Variants in KIAA1328 observed in about 807,000 individuals in gnomAD.
KIAA1328 encodes protein hinderin.
In KIAA1328, 52 loss-of-function variants were observed where a neutral mutation model predicts 68.1. That is an observed-to-expected ratio of 0.76 (90% CI 0.61 to 0.96). The LOEUF is 0.96. Ranked by LOEUF, KIAA1328 falls within the 40% of genes least tolerant of loss-of-function variation. KIAA1328 has a pLI of 0.00. For synonymous variants in KIAA1328, 232 were observed against 239.4 expected (o/e 0.97, Z 0.28); for missense variants, 641 against 677.6 (o/e 0.95, Z 0.60).
intron 5 of KIAA1328, chr18:36,895,824 G>T (rs1165911552): frequency 1.1e-5 from 5 of 455,124 alleles, no homozygotes; most frequent in African/African-American, 1.0e-4. Context: ...AATGACTGTT[G>T]TCCTAGAAGA....
chr18:36,884,486 T>C (rs901492382), intron 4 of KIAA1328, among the ~76,000 whole-genome samples: 3 of 152,214 alleles, frequency 2.0e-5, no homozygotes, highest in African/African-American at 7.2e-5. Flanking sequence ...CAATCAACTC[T>C]TGAACATTCA....
intron 5 of KIAA1328, among the ~76,000 whole-genome samples, chr18:36,923,379 A>C (rs536637540): frequency 3.9e-5 from 6 of 152,172 alleles, no homozygotes; most frequent in African/African-American, 7.2e-5. Flanking sequence ...CTATTTGAGA[A>C]GATAATAACA....
chr18:37,061,839 C>A (rs576365448), intron 6 of KIAA1328, among the ~76,000 whole-genome samples: 2 of 152,164 alleles, frequency 1.3e-5, no homozygotes, highest in African/African-American at 4.8e-5. Flanking sequence ...TTGAATTTTT[C>A]TGTTAAGCTT....
In KIAA1328 at chr18:36,993,704, C is replaced by A. The variant is rs1598917703; in HGVS notation, c.576+34269C>A. On this transcript the variant is annotated intron_variant, in intron 6 of 9. Transcript: ENST00000280020. ...GTAGTATAAGTGAGGCAAATTTTGT[C>A]ATTGGGAGGAAATCACTGGATCTTG... 2.0e-5 allele frequency among the ~76,000 whole-genome samples: 3 copies of A among 152,172 alleles called. No homozygotes were observed. The South Asian group carries it at 6.2e-4, about 32-fold the overall frequency.
At chr18:36,944,480 G>A (rs2050827141) in intron 5 of KIAA1328, among the ~76,000 whole-genome samples, 1 of 152,148 alleles carries the variant, frequency 6.6e-6, no homozygotes. Flanking sequence ...TCAGGAGGCT[G>A]AGGCAGGAGA....
chr18:36,975,176 ATTTTTTTT>A (rs751805080), intron 6 of KIAA1328, among the ~76,000 whole-genome samples: 1 of 114,946 alleles, frequency 8.7e-6, no homozygotes, highest in South Asian at 2.8e-4. Flanking sequence ...ACAAGCTACA[ATTTTTTTT>A]TTTTTTTTTT....
At chr18:36,937,298 G>A (rs1473989312) in intron 5 of KIAA1328, among the ~76,000 whole-genome samples, 5 of 152,072 alleles carry the variant, frequency 3.3e-5, no homozygotes, top group Admixed American at 6.6e-5. Context: ...ACATAGGCAC[G>A]GGCAAAGACT....
chr18:37,047,363 C>T (rs2055515285), intron 6 of KIAA1328, among the ~76,000 whole-genome samples: 1 of 152,080 alleles, frequency 6.6e-6, no homozygotes, highest in South Asian at 2.1e-4. Context: ...TCACTTGGCT[C>T]ATTGGCCATC....
At chr18:36,980,782 T>C (rs2151371549) in intron 6 of KIAA1328, among the ~76,000 whole-genome samples, 2 of 152,224 alleles carry the variant, frequency 1.3e-5, no homozygotes, top group East Asian at 3.9e-4. Flanking sequence ...CTCATGATAG[T>C]GAATAAATCT....
intron 7 of KIAA1328, among the ~76,000 whole-genome samples, chr18:37,125,856 T>A (rs2151944443): frequency 6.6e-6 from 1 of 152,334 alleles, no homozygotes; most frequent in Non-Finnish European, 1.5e-5. Context: ...GTTGCTATTG[T>A]TGAACAGTTG....
At chr18:37,228,728 G>GA (rs1222833657), downstream of KIAA1328, among the ~76,000 whole-genome samples, 1 of 151,936 alleles carries the variant, frequency 6.6e-6, no homozygotes, top group African/African-American at 2.4e-5. Context: ...GCTGAGGCAG[G>GA]AAAATCTCTT....
At chr18:36,930,162 C>A (rs1232055780) in intron 5 of KIAA1328, among the ~76,000 whole-genome samples, 2 of 152,118 alleles carry the variant, frequency 1.3e-5, no homozygotes, top group African/African-American at 2.4e-5. Flanking sequence ...CACAGTAGCT[C>A]CCACTTAGCC....
chr18:36,900,159 A>T (rs1568139485), intron 5 of KIAA1328, among the ~76,000 whole-genome samples: 1 of 152,026 alleles, frequency 6.6e-6, no homozygotes, highest in Non-Finnish European at 1.5e-5. Context: ...AAGTTTTTAG[A>T]GATGCAATTC....
Position 36,996,336 on chromosome 18 carries a change from T to C in KIAA1328, c.576+36901T>C, listed in dbSNP as rs973005628. Among the ~76,000 whole-genome samples the C allele has an allele frequency of 3.3e-5, 5 of 152,184 alleles. No homozygotes were observed. In the East Asian group the frequency reaches 9.6e-4, roughly 29 times the overall value. On this transcript the variant is annotated intron_variant, in intron 6 of 9. Coordinates refer to ENST00000280020, the MANE Select transcript of KIAA1328 (RefSeq NM_020776.3). ...GTAGGCACCATTATTATCTCTTTTATGGAGGTCAGAGAGATTAAATAACTT... is the reference window on the plus strand; with the variant it reads ...GTAGGCACCATTATTATCTCTTTTACGGAGGTCAGAGAGATTAAATAACTT...
intron 5 of KIAA1328, among the ~76,000 whole-genome samples, chr18:36,941,756 G>A (rs2050721880): frequency 1.3e-5 from 2 of 152,074 alleles, no homozygotes; most frequent in South Asian, 4.2e-4. Flanking sequence ...AAATATAGAA[G>A]AGGCATTTAC....
intron 7 of KIAA1328, among the ~76,000 whole-genome samples, chr18:37,150,129 G>C (rs1409513460): frequency 6.6e-6 from 1 of 152,100 alleles, no homozygotes; most frequent in Non-Finnish European, 1.5e-5. Context: ...TTTCCCATAA[G>C]TAAAACTACA....
chr18:36,885,986 G>A (rs2150984213), intron 5 of KIAA1328: 3 of 323,066 alleles, frequency 9.3e-6, no homozygotes, highest in Non-Finnish European at 1.7e-5. Context: ...CAAAGTGCTA[G>A]GATTACAGGT....
chr18:36,898,296 A>C (rs1317585577), intron 5 of KIAA1328, among the ~76,000 whole-genome samples: 1 of 151,978 alleles, frequency 6.6e-6, no homozygotes, highest in East Asian at 1.9e-4. Context: ...TTGAAAAGAT[A>C]ATATGCTTTT....
chr18:37,165,165 T>C, intron 8 of KIAA1328, among the ~76,000 whole-genome samples: 1 of 152,128 alleles, frequency 6.6e-6, no homozygotes, highest in Non-Finnish European at 1.5e-5. Context: ...TGTCTCCAAA[T>C]ATCGTCATAT....
Sources: gnomAD v4.1 joint callset for allele counts (sites outside exome capture counted in the v4.1 genomes callset) on GRCh38, gnomAD v4.1.1 for gene constraint, MANE v1.5 for transcripts, NCBI Gene and HGNC (gene_info 2026-07-23, HGNC 2026-07-21) for gene names.